The following ITPR2 variants were observed in gnomAD, a reference collection of about 807,000 sequenced individuals.
The protein encoded by ITPR2 is inositol 1,4,5-trisphosphate-gated calcium channel ITPR2.
In ITPR2, 207 loss-of-function variants were observed where a neutral mutation model predicts 317.1. That is an observed-to-expected ratio of 0.65 (90% CI 0.58 to 0.73). The LOEUF is 0.73. ITPR2 is among the 30% of genes least tolerant of loss of function. ITPR2 has a pLI of 0.00. For missense variants in ITPR2, 2,613 were observed against 3,284.0 expected (o/e 0.80, Z 4.99); for synonymous variants, 1,156 against 1,149.1 (o/e 1.01, Z -0.12).
intron 37 of ITPR2, among the ~76,000 whole-genome samples, chr12:26,549,518 G>T (rs914056546): frequency 6.6e-6 from 1 of 151,972 alleles, no homozygotes; most frequent in African/African-American, 2.4e-5. Flanking sequence ...AGACCAAAAA[G>T]TTATTGAGGA....
intron 1 of ITPR2, among the ~76,000 whole-genome samples, chr12:26,792,247 C>T (rs1950353508): frequency 6.6e-6 from 1 of 151,884 alleles, no homozygotes; most frequent in Non-Finnish European, 1.5e-5. Flanking sequence ...GTCATTTCAT[C>T]CTGAAGACTT....
At chr12:26,443,745 C>T (rs1393068826) in intron 45 of ITPR2, 95 bp from the exon 46 acceptor site, 4 of 848,198 alleles carry the variant, frequency 4.7e-6, no homozygotes, top group Non-Finnish European at 7.7e-6. Flanking sequence ...CACATAGCTT[C>T]AGAGTCCTAG....
intron 32 of ITPR2, among the ~76,000 whole-genome samples, chr12:26,588,676 T>C (rs1234488628): frequency 6.6e-6 from 1 of 152,178 alleles, no homozygotes; most frequent in African/African-American, 2.4e-5. Context: ...TGACTCAATA[T>C]AAGAGTTGTT....
chr12:26,384,623 G>T (rs1005628648), intron 55 of ITPR2, among the ~76,000 whole-genome samples: 1 of 152,194 alleles, frequency 6.6e-6, no homozygotes, highest in Non-Finnish European at 1.5e-5. Flanking sequence ...GTTAAGGCCA[G>T]AGATGGGTCA....
At chr12:26,380,536 T>C (rs773819210) in intron 55 of ITPR2, among the ~76,000 whole-genome samples, 1 of 152,252 alleles carries the variant, frequency 6.6e-6, no homozygotes, top group Non-Finnish European at 1.5e-5. Flanking sequence ...CCTTGAAATG[T>C]AAACATTTAA....
intron 26 of ITPR2, among the ~76,000 whole-genome samples, chr12:26,605,104 A>T (rs56234800): frequency 0.21 from 16,385 of 78,218 alleles, 1,640 homozygotes; most frequent in Middle Eastern, 0.3. Context: ...AAAAAAAATA[A>T]AAATAAAAAA....
intron 48 of ITPR2, among the ~76,000 whole-genome samples, chr12:26,428,483 CCTTGT>C (rs1212094795): frequency 2.6e-5 from 4 of 152,018 alleles, no homozygotes; most frequent in East Asian, 1.9e-4. Flanking sequence ...TGAATTCATA[CCTTGT>C]CTTGTCCTAT....
At position 26,443,571 on chromosome 12, in the gene ITPR2, T is replaced by A; in HGVS notation, c.6422A>T (p.Tyr2141Phe). Reference protein sequence around the residue: ...DPDEGDEALKYYANHTAQIEI... With the variant: ...DPDEGDEALKFYANHTAQIEI... The stretch of plus-strand genomic sequence containing the variant: ...AATCTGTGCAGTGTGGTTGGCATAA[T>A]ACTTTAAGGCTTCATCTCCTTCATC... Residue 2141 changes from tyrosine to phenylalanine, a missense_variant, in exon 46 of 57, where the codon TAT becomes TTT. Coordinates refer to ENST00000381340, the MANE Select transcript of ITPR2 (RefSeq NM_002223.4). The A allele has an allele frequency of 6.2e-7, 1 of 1,612,892 alleles. No individual in the cohort carries two copies. The highest frequency in any genetic ancestry group is 8.5e-7 in the Non-Finnish European group (1 of 1,179,044).
intron 1 of ITPR2, among the ~76,000 whole-genome samples, chr12:26,825,445 A>C (rs56064902): frequency 0.013 from 2,033 of 152,280 alleles, 17 homozygotes; most frequent in Middle Eastern, 0.041. Flanking sequence ...TTTAAGTTTT[A>C]AAGTTTGAGT....
intron 26 of ITPR2, among the ~76,000 whole-genome samples, chr12:26,610,756 G>A (rs1183323337): frequency 6.6e-6 from 1 of 152,188 alleles, no homozygotes; most frequent in Non-Finnish European, 1.5e-5. Context: ...TAGAGATAGT[G>A]AGGAATAGCA....
intron 26 of ITPR2, among the ~76,000 whole-genome samples, chr12:26,619,496 T>A (rs1946447767): frequency 6.6e-6 from 1 of 152,180 alleles, no homozygotes; most frequent in African/African-American, 2.4e-5. Context: ...AGTTTTAACA[T>A]CTGGCCCTGT....
chr12:26,357,310 A>G (rs1938671645), intron 55 of ITPR2, among the ~76,000 whole-genome samples: 1 of 152,174 alleles, frequency 6.6e-6, no homozygotes, highest in African/African-American at 2.4e-5. Context: ...AATCAGGCCT[A>G]TGTAATGAAG....
At chr12:26,352,471 T>G (rs1392561743) in intron 55 of ITPR2, among the ~76,000 whole-genome samples, 2 of 152,230 alleles carry the variant, frequency 1.3e-5, no homozygotes, top group Admixed American at 1.3e-4. Context: ...TTGTAATCCT[T>G]TCCACAAATT....
In ITPR2 at chr12:26,340,179, C is replaced by T. The variant is rs1394993863; in HGVS notation, c.8007G>A (p.Glu2669=). 6.2e-7 allele frequency: 1 copy of T among 1,604,234 alleles called. No individual in the cohort carries two copies. The highest frequency in any genetic ancestry group is 1.3e-5 in the African/African-American group (1 of 74,658). ...LVKQLSGQLA[E]LKEQMTEQRK... Reference sequence around the variant, plus strand: ...TGAATGCACCCACCTGCTCCTTGAGCTCCGCCAGCTGACCCGACAGCTGTT... The same window carrying T: ...TGAATGCACCCACCTGCTCCTTGAGTTCCGCCAGCTGACCCGACAGCTGTT... The change falls in exon 56 of 57, where the codon GAG becomes GAA. Residue 2669 remains glutamate, a synonymous_variant. Coordinates refer to ENST00000381340, the MANE Select transcript of ITPR2 (RefSeq NM_002223.4).
intron 26 of ITPR2, among the ~76,000 whole-genome samples, chr12:26,617,662 GGGAGGGAAGGAA>G (rs772041496): frequency 0.14 from 17,181 of 122,214 alleles, 1,636 homozygotes; most frequent in Admixed American, 0.19. Context: ...GAGGGACGGA[GGGAGGGAAGGAA>G]GGAGGGAAGG....
chr12:26,419,604 C>T (rs10219503), intron 49 of ITPR2: 148,519 of 154,708 alleles, frequency 0.96, 71,286 homozygotes, highest in East Asian at 1. Flanking sequence ...TCTGAAAAAC[C>T]GGAATAAAAG....
chr12:26,782,124 C>T (rs1456585357), intron 2 of ITPR2, among the ~76,000 whole-genome samples: 1 of 148,320 alleles, frequency 6.7e-6, no homozygotes, highest in East Asian at 2.0e-4. Flanking sequence ...AACATAAACT[C>T]TCCTTTACAT....
At chr12:26,824,839 A>G (rs1272267751) in intron 1 of ITPR2, among the ~76,000 whole-genome samples, 2 of 152,208 alleles carry the variant, frequency 1.3e-5, no homozygotes, top group African/African-American at 4.8e-5. Flanking sequence ...TTCTAAAGCT[A>G]TATATTTTTA....
chr12:26,489,539 A>G (rs575785021), intron 39 of ITPR2, among the ~76,000 whole-genome samples: 1 of 152,336 alleles, frequency 6.6e-6, no homozygotes, highest in South Asian at 2.1e-4. Flanking sequence ...TTCTTCAGTA[A>G]GGTAGGATAA....
Sources: gnomAD v4.1 joint callset for allele counts (sites outside exome capture counted in the v4.1 genomes callset) on GRCh38, gnomAD v4.1.1 for gene constraint, MANE v1.5 for transcripts, NCBI Gene and HGNC (gene_info 2026-07-23, HGNC 2026-07-21) for gene names.